TTBK2: variants seen among roughly 807,000 people sequenced by gnomAD.
TTBK2 encodes the protein tau tubulin kinase 2.
TTBK2 carries 28 observed loss-of-function variants against 110.8 expected under a neutral mutation model. The observed-to-expected ratio is 0.25, with a 90% CI of 0.19 to 0.35. The LOEUF is 0.35. TTBK2 is among the 10% of genes least tolerant of loss of function. TTBK2 has a pLI of 1.00. For missense variants in TTBK2, 1,369 were observed against 1,500.3 expected (o/e 0.91, Z 1.45); for synonymous variants, 532 against 527.3 (o/e 1.01, Z -0.12).
At chr15:42,801,848 T>C (rs1181425984) in intron 9 of TTBK2, 1 of 929,478 alleles carries the variant, frequency 1.1e-6, no homozygotes, top group East Asian at 2.4e-5. Context: ...TCATTCTCCA[T>C]CTCTGTACAT....
At chr15:42,899,312 T>C (rs1290758622) in intron 1 of TTBK2, among the ~76,000 whole-genome samples, 4 of 151,842 alleles carry the variant, frequency 2.6e-5, no homozygotes, top group Admixed American at 1.3e-4. Flanking sequence ...TATAAAACAT[T>C]TAAACATAAA....
At position 42,744,251 on chromosome 15, in the gene TTBK2, G is replaced by C. The variant is rs1195712528; in HGVS notation, c.*1544C>G. ...TTTTAAAAAGCTCAACACAGATAAA[G>C]AGAACAAGAGAAGTTCAGTGCAGCT... On this transcript the variant is annotated 3_prime_UTR_variant, in exon 15 of 15. Transcript: ENST00000267890. 1 of 152,148 alleles carries C rather than the reference G, an allele frequency of 6.6e-6. No homozygotes were observed. The highest frequency in any genetic ancestry group is 2.4e-5 in the African/African-American group (1 of 41,432). The allele number at this position is 152,148 out of a possible 1,614,324, so 9.4% of individuals were successfully genotyped here. A position where few individuals can be genotyped will look rare whatever the true frequency, so the allele number is the denominator to read the frequency against.
intron 10 of TTBK2, among the ~76,000 whole-genome samples, chr15:42,786,425 G>A (rs1890416609): frequency 6.6e-6 from 1 of 152,190 alleles, no homozygotes; most frequent in African/African-American, 2.4e-5. Flanking sequence ...TGAGGAAAGA[G>A]AAAGGGAAAT....
chr15:42,782,999 T>C (rs954496466), intron 11 of TTBK2, among the ~76,000 whole-genome samples: 1 of 152,202 alleles, frequency 6.6e-6, no homozygotes, highest in Non-Finnish European at 1.5e-5. Context: ...TCCTGATTAC[T>C]ATTCATCCAG....
intron 3 of TTBK2, chr15:42,840,691 G>A: frequency 1.9e-6 from 1 of 526,138 alleles, no homozygotes. Flanking sequence ...ACAAATGTAT[G>A]GTAACTTATT....
chr15:42,835,952 G>C (rs1366508835), intron 4 of TTBK2, among the ~76,000 whole-genome samples: 2 of 152,038 alleles, frequency 1.3e-5, no homozygotes, highest in African/African-American at 4.8e-5. Flanking sequence ...ATAATAAAAA[G>C]CTTTTAAAAG....
intron 11 of TTBK2, among the ~76,000 whole-genome samples, chr15:42,778,809 A>C (rs961070424): frequency 6.6e-6 from 1 of 152,240 alleles, no homozygotes; most frequent in East Asian, 1.9e-4. Context: ...AGATAATAGA[A>C]AGAATGAAGA....
intron 1 of TTBK2, among the ~76,000 whole-genome samples, chr15:42,898,447 A>T (rs1895755498): frequency 6.6e-6 from 1 of 151,830 alleles, no homozygotes; most frequent in Non-Finnish European, 1.5e-5. Context: ...CGGGAGGCAG[A>T]GGTTGCAGAG....
intron 9 of TTBK2, chr15:42,801,219 T>C: frequency 2.0e-6 from 3 of 1,537,266 alleles, no homozygotes; most frequent in Non-Finnish European, 2.7e-6. Context: ...CAGCCAGCTC[T>C]CCTCGCCCTC....
chr15:42,909,040 G>A (rs750940274), intron 1 of TTBK2, among the ~76,000 whole-genome samples: 1 of 152,166 alleles, frequency 6.6e-6, no homozygotes, highest in African/African-American at 2.4e-5. Flanking sequence ...CTTCTACTGG[G>A]CTAAAGCTCT....
intron 9 of TTBK2, among the ~76,000 whole-genome samples, chr15:42,797,313 C>G (rs1890987666): frequency 6.6e-6 from 1 of 152,218 alleles, no homozygotes; most frequent in African/African-American, 2.4e-5. Context: ...TTTCTTACAT[C>G]TGTCACAGTA....
intron 9 of TTBK2, among the ~76,000 whole-genome samples, chr15:42,804,888 G>A (rs1305510355): frequency 2.0e-5 from 3 of 152,150 alleles, no homozygotes; most frequent in East Asian, 1.9e-4. Flanking sequence ...TGCTGTCAAC[G>A]AGAAGACTGA....
chr15:42,808,894 G>A (rs1181359755), intron 9 of TTBK2, among the ~76,000 whole-genome samples: 4 of 152,082 alleles, frequency 2.6e-5, no homozygotes, highest in Non-Finnish European at 5.9e-5. Flanking sequence ...TGAAAGAACA[G>A]TAAGTAAAAT....
rs372068742 is a variant in TTBK2 at position 42,783,499 on chromosome 15, C to T, written c.1117G>A (p.Gly373Arg). The change falls in exon 11 of 15, where the codon GGA becomes AGA. Residue 373 changes from glycine to arginine, a missense_variant. Physicochemically the swap from Gly to Arg is moderately radical, Grantham distance 125. Coordinates refer to ENST00000267890, the MANE Select transcript of TTBK2 (RefSeq NM_173500.4). ...VSPDKLPGSL[G>R]HPRPQEKDVW... Reference sequence around the variant, plus strand: ...TCCTTCTCCTGGGGACGGGGGTGTCCCAGAGATCCAGGCAATTTATCTGGT... The same window carrying T: ...TCCTTCTCCTGGGGACGGGGGTGTCTCAGAGATCCAGGCAATTTATCTGGT... 204 of 1,614,050 alleles carry T rather than the reference C, an allele frequency of 1.3e-4. 1 individual carries two copies. In the South Asian group the frequency reaches 2.1e-3, roughly 16 times the overall value.
At chr15:42,892,175 T>C (rs1317217511) in intron 1 of TTBK2, among the ~76,000 whole-genome samples, 3 of 152,176 alleles carry the variant, frequency 2.0e-5, no homozygotes, top group Non-Finnish European at 2.9e-5. Flanking sequence ...TAGCTTAATG[T>C]TATTAAGCTA....
chr15:42,881,420 C>T (rs1895045884), intron 1 of TTBK2, among the ~76,000 whole-genome samples: 1 of 146,516 alleles, frequency 6.8e-6, no homozygotes, highest in Admixed American at 6.8e-5. Context: ...CCAAGAATAT[C>T]TCAATTTACA....
At chr15:42,909,272 C>T (rs973004461) in intron 1 of TTBK2, among the ~76,000 whole-genome samples, 23 of 152,228 alleles carry the variant, frequency 1.5e-4, no homozygotes, top group African/African-American at 5.5e-4. Flanking sequence ...TTCCAAATAG[C>T]TGGGAATACA....
At chr15:42,777,606 G>A (rs912492055) in intron 11 of TTBK2, among the ~76,000 whole-genome samples, 2 of 152,174 alleles carry the variant, frequency 1.3e-5, no homozygotes, top group African/African-American at 4.8e-5. Context: ...TGAGACATAA[G>A]TGGTCTCACA....
intron 9 of TTBK2, among the ~76,000 whole-genome samples, chr15:42,805,238 ATTG>A (rs1163918260): frequency 2.6e-5 from 4 of 152,204 alleles, no homozygotes; most frequent in Admixed American, 1.3e-4. Flanking sequence ...AATGCCTATC[ATTG>A]TGCTATGTTC....
Sources: gnomAD v4.1 joint callset for allele counts (sites outside exome capture counted in the v4.1 genomes callset) on GRCh38, gnomAD v4.1.1 for gene constraint, MANE v1.5 for transcripts, NCBI Gene and HGNC (gene_info 2026-07-23, HGNC 2026-07-21) for gene names.